NALF1: variants seen among roughly 807,000 people sequenced by gnomAD.
NALF1 encodes the protein family with sequence similarity 155 member A.
In NALF1, 3 loss-of-function variants were observed where a neutral mutation model predicts 48.4. The observed-to-expected ratio is 0.06, with a 90% CI of 0.03 to 0.16. NALF1 has a LOEUF of 0.16. Ranked by LOEUF, NALF1 falls within the 10% of genes least tolerant of loss-of-function variation. The pLI is 1.00. For synonymous variants in NALF1, 262 were observed against 245.7 expected (o/e 1.07, Z -0.62); for missense variants, 526 against 571.5 (o/e 0.92, Z 0.81).
At chr13:107,206,294 G>T (rs1879639043) in intron 2 of NALF1, among the ~76,000 whole-genome samples, 1 of 152,110 alleles carries the variant, frequency 6.6e-6, no homozygotes, top group African/African-American at 2.4e-5. Flanking sequence ...TATGCACGGG[G>T]ATGCGCTTGT....
At chr13:107,753,317 C>A (rs1876992689) in intron 1 of NALF1, among the ~76,000 whole-genome samples, 1 of 152,138 alleles carries the variant, frequency 6.6e-6, no homozygotes, top group African/African-American at 2.4e-5. Context: ...ATTAATTGTG[C>A]AATAAGGCTT....
intron 1 of NALF1, among the ~76,000 whole-genome samples, chr13:107,238,818 A>T (rs558709281): frequency 6.6e-6 from 1 of 152,318 alleles, no homozygotes; most frequent in South Asian, 2.1e-4. Flanking sequence ...CTTTTAAGTC[A>T]TTCCAAGAAA....
chr13:107,513,664 C>G (rs1875966817), intron 1 of NALF1, among the ~76,000 whole-genome samples: 1 of 152,176 alleles, frequency 6.6e-6, no homozygotes, highest in African/African-American at 2.4e-5. Flanking sequence ...CACAGATTCT[C>G]TTTTTCACAT....
intron 1 of NALF1, among the ~76,000 whole-genome samples, chr13:107,355,209 C>A (rs1449126532): frequency 6.6e-6 from 1 of 152,102 alleles, no homozygotes; most frequent in African/African-American, 2.4e-5. Context: ...GGTCTGCAAA[C>A]CCCAACGTTA....
At chr13:107,779,914 C>T (rs1877836737) in intron 1 of NALF1, among the ~76,000 whole-genome samples, 1 of 152,086 alleles carries the variant, frequency 6.6e-6, no homozygotes, top group Admixed American at 6.6e-5. Context: ...TGTTAAAGTA[C>T]GCTTCCTGGT....
chr13:107,236,788 C>G (rs765757004), intron 1 of NALF1, among the ~76,000 whole-genome samples: 2 of 151,984 alleles, frequency 1.3e-5, no homozygotes, highest in Admixed American at 6.6e-5. Context: ...TGGATTCAAG[C>G]AACCTCAAAT....
intron 1 of NALF1, among the ~76,000 whole-genome samples, chr13:107,426,715 AT>A (rs888943295): frequency 6.8e-4 from 103 of 152,224 alleles, no homozygotes; most frequent in African/African-American, 2.1e-3. Context: ...ACATTTCTCA[AT>A]TTTTTTCAAC....
chr13:107,529,473 G>C (rs1350209794), intron 1 of NALF1, among the ~76,000 whole-genome samples: 1 of 152,088 alleles, frequency 6.6e-6, no homozygotes, highest in East Asian at 1.9e-4. Flanking sequence ...CAAATTATTT[G>C]GTAATCTTAG....
chr13:107,680,875 T>G (rs900262078), intron 1 of NALF1, among the ~76,000 whole-genome samples: 3 of 149,874 alleles, frequency 2.0e-5, no homozygotes, highest in Non-Finnish European at 4.5e-5. Flanking sequence ...AATGTAAGGG[T>G]GTGTGTGTGT....
At chr13:107,332,556 T>C (rs368854547) in intron 1 of NALF1, among the ~76,000 whole-genome samples, 35 of 152,200 alleles carry the variant, frequency 2.3e-4, no homozygotes, top group African/African-American at 7.5e-4. Flanking sequence ...CCAACATATT[T>C]CTATAGAAAC....
intron 1 of NALF1, among the ~76,000 whole-genome samples, chr13:107,608,558 T>G (rs1209358199): frequency 6.6e-6 from 1 of 152,188 alleles, no homozygotes; most frequent in Non-Finnish European, 1.5e-5. Context: ...TCCAAAACCC[T>G]AAAATACATA....
At chr13:107,380,300 T>A (rs1351581107) in intron 1 of NALF1, among the ~76,000 whole-genome samples, 1 of 152,204 alleles carries the variant, frequency 6.6e-6, no homozygotes, top group African/African-American at 2.4e-5. Context: ...TATTGCGTAT[T>A]TTTCAAGATC....
At chr13:107,246,074 C>T (rs865842402) in intron 1 of NALF1, among the ~76,000 whole-genome samples, 3 of 152,188 alleles carry the variant, frequency 2.0e-5, no homozygotes, top group Admixed American at 6.5e-5. Flanking sequence ...CTATCTCATT[C>T]TGCACAATGA....
chr13:107,676,628 A>AATTTAATTTAATTAATTT, intron 1 of NALF1, among the ~76,000 whole-genome samples: 1 of 151,992 alleles, frequency 6.6e-6, no homozygotes, highest in African/African-American at 2.4e-5. Flanking sequence ...TAATTAAATT[A>AATTTAATTTAATTAATTT]AATTGTGTGT....
intron 1 of NALF1, among the ~76,000 whole-genome samples, chr13:107,330,248 T>C (rs114762923): frequency 0.015 from 2,254 of 152,336 alleles, 63 homozygotes; most frequent in African/African-American, 0.052. Context: ...GTGTTTATTT[T>C]GGCTCTAATG....
rs138704991 is a variant in NALF1, at chr13:107,839,543, A to G, written c.915+26139T>C. On this transcript the variant is annotated intron_variant, in intron 1 of 2. Coordinates refer to ENST00000375915, the MANE Select transcript of NALF1 (RefSeq NM_001080396.3). ...ACATTAATGCAATCCACTGTCTGAT[A>G]TAAGTTCAATTATTCCCCACCTGTG... is the stretch of plus-strand genomic sequence containing the variant. Among the ~76,000 whole-genome samples the G allele has an allele frequency of 2.7e-5, 4 of 150,818 alleles. No homozygotes were observed. The East Asian group carries it at 7.8e-4, about 29-fold the overall frequency.
At chr13:107,617,773 C>A (rs1879419152) in intron 1 of NALF1, among the ~76,000 whole-genome samples, 1 of 151,920 alleles carries the variant, frequency 6.6e-6, no homozygotes, top group African/African-American at 2.4e-5. Context: ...CCATTTTTTT[C>A]TCCTCCATGT....
At chr13:107,241,242 C>T (rs1880465299) in intron 1 of NALF1, among the ~76,000 whole-genome samples, 1 of 151,860 alleles carries the variant, frequency 6.6e-6, no homozygotes, top group Non-Finnish European at 1.5e-5. Flanking sequence ...CACACACTTC[C>T]AGCATAGCCA....
intron 1 of NALF1, among the ~76,000 whole-genome samples, chr13:107,648,115 C>T (rs540498020): frequency 7.2e-5 from 11 of 152,036 alleles, no homozygotes; most frequent in South Asian, 6.2e-4. Context: ...ATGTCACCCC[C>T]CATACACATC....
Sources: allele counts gnomAD v4.1 joint callset (sites outside exome capture counted in the v4.1 genomes callset), GRCh38; gene constraint gnomAD v4.1.1; transcripts MANE v1.5; gene names NCBI Gene and HGNC (gene_info 2026-07-23, HGNC 2026-07-21).